RGS6: variants seen among roughly 807,000 people sequenced by gnomAD.
RGS6 encodes regulator of G-protein signaling 6.
RGS6 carries 30 observed loss-of-function variants against 78.5 expected under a neutral mutation model. The observed-to-expected ratio is 0.38, with a 90% CI of 0.29 to 0.52. RGS6 has a LOEUF of 0.52. Ranked by LOEUF, RGS6 falls within the 20% of genes least tolerant of loss-of-function variation. RGS6 has a pLI of 0.85. For synonymous variants in RGS6, 206 were observed against 206.0 expected, an observed-to-expected ratio of 1.00 and a Z score of 0.00; for missense variants, 495 against 609.7, an observed-to-expected ratio of 0.81 and a Z score of 1.98.
chr14:71,948,738 C>CTTT (rs766352167), intron 1 of RGS6, among the ~76,000 whole-genome samples: 1,070 of 75,116 alleles, frequency 0.014, 165 homozygotes, highest in South Asian at 0.019. Flanking sequence ...CTCTCTCTCT[C>CTTT]TCTTTTTTTT....
At chr14:72,122,314 C>A (rs932848752) in intron 2 of RGS6, among the ~76,000 whole-genome samples, 5 of 152,160 alleles carry the variant, frequency 3.3e-5, no homozygotes, top group African/African-American at 1.2e-4. Flanking sequence ...TGCCTCGACT[C>A]AAGCTCAGAT....
At chr14:72,257,814 C>G (rs758071258) in intron 2 of RGS6, among the ~76,000 whole-genome samples, 1 of 152,118 alleles carries the variant, frequency 6.6e-6, no homozygotes, top group Admixed American at 6.5e-5. Flanking sequence ...CAAGCCTCCC[C>G]CTCTGTGTCA....
At chr14:72,395,105 TA>T (rs760131376) in intron 3 of RGS6, among the ~76,000 whole-genome samples, 3 of 152,348 alleles carry the variant, frequency 2.0e-5, no homozygotes, top group Non-Finnish European at 4.4e-5. Context: ...TTCTGGCATC[TA>T]CTTTCATTAT....
At chr14:72,012,029 G>T (rs1041599778) in intron 2 of RGS6, among the ~76,000 whole-genome samples, 3 of 152,098 alleles carry the variant, frequency 2.0e-5, no homozygotes, top group African/African-American at 7.2e-5. Context: ...TTGGAAATCT[G>T]TTCAAATTTT....
At chr14:72,310,944 C>T (rs1438694179) in intron 2 of RGS6, among the ~76,000 whole-genome samples, 2 of 152,198 alleles carry the variant, frequency 1.3e-5, no homozygotes, top group Admixed American at 1.3e-4. Flanking sequence ...TTCCCAGTTC[C>T]CTGAAATTAA....
At chr14:72,158,672 T>G (rs2096807286) in intron 2 of RGS6, among the ~76,000 whole-genome samples, 1 of 152,198 alleles carries the variant, frequency 6.6e-6, no homozygotes, top group Admixed American at 6.5e-5. Context: ...CAAGATAATT[T>G]CCGTAAACAT....
chr14:72,100,886 C>T (rs1320001297), intron 2 of RGS6, among the ~76,000 whole-genome samples: 2 of 152,132 alleles, frequency 1.3e-5, no homozygotes, highest in African/African-American at 4.8e-5. Flanking sequence ...CGGCCAGGCA[C>T]AGTGACTCAT....
At chr14:71,974,616 G>T (rs750007416) in intron 2 of RGS6, among the ~76,000 whole-genome samples, 68 of 152,248 alleles carry the variant, frequency 4.5e-4, no homozygotes, top group Non-Finnish European at 8.1e-4. Flanking sequence ...ACATTCTAGG[G>T]TATGGTTAGG....
At chr14:72,298,045 G>C (rs971870416) in intron 2 of RGS6, among the ~76,000 whole-genome samples, 1 of 151,826 alleles carries the variant, frequency 6.6e-6, no homozygotes, top group African/African-American at 2.4e-5. Flanking sequence ...TTACATACTG[G>C]TCATTTCCTG....
chr14:71,972,459 C>T (rs1432531449), intron 2 of RGS6, among the ~76,000 whole-genome samples: 1 of 152,060 alleles, frequency 6.6e-6, no homozygotes, highest in Non-Finnish European at 1.5e-5. Flanking sequence ...AAGACCCTAA[C>T]GAATGCAAGT....
At chr14:72,205,816 G>C (rs2042575953) in intron 2 of RGS6, among the ~76,000 whole-genome samples, 1 of 152,192 alleles carries the variant, frequency 6.6e-6, no homozygotes, top group African/African-American at 2.4e-5. Context: ...CCGAAATGCT[G>C]TTTATTTGCC....
chr14:72,388,004 G>A (rs557175029), intron 3 of RGS6, among the ~76,000 whole-genome samples: 1 of 152,250 alleles, frequency 6.6e-6, no homozygotes, highest in Non-Finnish European at 1.5e-5. Flanking sequence ...ATACCCTGAT[G>A]ACCTCATTTT....
intron 2 of RGS6, among the ~76,000 whole-genome samples, chr14:72,206,226 A>G (rs970954367): frequency 4.6e-5 from 7 of 152,148 alleles, no homozygotes; most frequent in Admixed American, 4.6e-4. Context: ...GAACTTCGGG[A>G]GGCCAAGATG....
intron 2 of RGS6, among the ~76,000 whole-genome samples, chr14:72,052,997 C>T (rs113685186): frequency 2.8e-4 from 34 of 121,408 alleles, no homozygotes; most frequent in African/African-American, 5.7e-4. Flanking sequence ...CTCTCTCTCT[C>T]TCTCTCTCTT....
At chr14:72,408,211 T>C (rs1009832626) in intron 3 of RGS6, among the ~76,000 whole-genome samples, 1 of 152,190 alleles carries the variant, frequency 6.6e-6, no homozygotes, top group African/African-American at 2.4e-5. Flanking sequence ...CACTCAGCAG[T>C]TTTAGATCAA....
intron 2 of RGS6, among the ~76,000 whole-genome samples, chr14:72,196,346 A>G (rs2040142860): frequency 6.6e-6 from 1 of 152,176 alleles, no homozygotes; most frequent in African/African-American, 2.4e-5. Context: ...GGGACCTGGG[A>G]TTTCCCCTCC....
chr14:72,350,163 A>G (rs1026611795), intron 2 of RGS6, among the ~76,000 whole-genome samples: 6 of 152,186 alleles, frequency 3.9e-5, no homozygotes, highest in African/African-American at 1.4e-4. Context: ...CTTTTCTAGC[A>G]TAATACTCAT....
At chr14:71,983,898 T>C (rs1271838883) in intron 2 of RGS6, among the ~76,000 whole-genome samples, 1 of 152,226 alleles carries the variant, frequency 6.6e-6, no homozygotes, top group African/African-American at 2.4e-5. Context: ...AGCTTAGTGC[T>C]CTCTGCAAAG....
intron 2 of RGS6, among the ~76,000 whole-genome samples, chr14:72,212,823 G>T (rs573601298): frequency 6.6e-6 from 1 of 152,190 alleles, no homozygotes; most frequent in Non-Finnish European, 1.5e-5. Context: ...AGTAGGCCCA[G>T]TTCCAAGGAT....
Sources: allele counts gnomAD v4.1 joint callset (sites outside exome capture counted in the v4.1 genomes callset), GRCh38; gene constraint gnomAD v4.1.1; transcripts MANE v1.5; gene names NCBI Gene and HGNC (gene_info 2026-07-23, HGNC 2026-07-21).